Variants in SH3BP4 observed in about 807,000 individuals in gnomAD.
The protein encoded by SH3BP4 is SH3 domain binding protein 4, also known as SH3 domain-binding protein 4.
Under a neutral mutation model 65.5 loss-of-function variants are expected in SH3BP4, and 33 were observed. The observed-to-expected ratio is 0.50, with a 90% CI of 0.38 to 0.67. The LOEUF (loss-of-function observed/expected upper bound fraction) is 0.67. Among genes scored for constraint, SH3BP4 ranks in the 30% least tolerant of loss-of-function variants. The pLI is 0.00. For missense variants in SH3BP4, 1,134 were observed against 1,261.4 expected, an observed-to-expected ratio of 0.90 and a Z score of 1.53; for synonymous variants, 552 against 545.5, an observed-to-expected ratio of 1.01 and a Z score of -0.17.
At chr2:235,009,986 C>G (rs973001621) in intron 2 of SH3BP4, among the ~76,000 whole-genome samples, 7 of 152,232 alleles carry the variant, frequency 4.6e-5, no homozygotes, top group Admixed American at 3.9e-4. Context: ...TGCTCAGTCA[C>G]CTCCTTCTGG....
chr2:234,986,177 G>C (rs910241225), intron 1 of SH3BP4, among the ~76,000 whole-genome samples: 1 of 151,086 alleles, frequency 6.6e-6, no homozygotes, highest in Non-Finnish European at 1.5e-5. Context: ...CATGGTGCAG[G>C]CGTTATCTCT....
Position 235,003,924 on chromosome 2 carries a change from C to G in SH3BP4, c.-133+8548C>G, listed in dbSNP as rs184481530. 1.4e-4 allele frequency among the ~76,000 whole-genome samples: 22 copies of G among 152,274 alleles called. No individual in the cohort carries two copies. In the East Asian group the frequency reaches 4.1e-3, roughly 28 times the overall value. On this transcript the variant is annotated intron_variant, in intron 2 of 5. Transcript: ENST00000392011. ...GGTTTTGAGAGTCCTAAAACCCACC[C>G]AAGATGGCCCTAGGTACCTGCCCTC...
At chr2:235,023,310 G>T (rs566806921) in intron 2 of SH3BP4, among the ~76,000 whole-genome samples, 3 of 152,286 alleles carry the variant, frequency 2.0e-5, no homozygotes, top group South Asian at 4.1e-4. Context: ...ACTTTGAGAG[G>T]CTGAGGCGGG....
chr2:235,043,006 G>A lies in SH3BP4; in HGVS notation c.2237G>A (p.Arg746Gln), dbSNP rs373888787. ...TCGGTGCTGCTGGAGCAGATCCTGCGGCCCTGCAAATTCCTCACGTACATC... is the reference window on the plus strand; with the variant it reads ...TCGGTGCTGCTGGAGCAGATCCTGCAGCCCTGCAAATTCCTCACGTACATC... ...STSVLLEQIL[R>Q]PCKFLTYIYA... The change falls in exon 4 of 6, where the codon CGG becomes CAG. Residue 746 changes from arginine to glutamine, a missense_variant. Coordinates refer to ENST00000392011, the MANE Select transcript of SH3BP4 (RefSeq NM_014521.3). The A allele has an allele frequency of 5.3e-5, 85 of 1,609,390 alleles. No homozygotes were observed. Among genetic ancestry groups the A allele is most frequent in the Non-Finnish European group, 6.5e-5 (76 of 1,176,594 alleles).
At position 234,991,588 on chromosome 2, in the gene SH3BP4, G is replaced by A. The variant is rs554246976; in HGVS notation, c.-206-3715G>A. 6.6e-6 allele frequency among the ~76,000 whole-genome samples: 1 copy of A among 152,310 alleles called. No individual in the cohort carries two copies. Among genetic ancestry groups the A allele is most frequent in the South Asian group, 2.1e-4 (1 of 4,816 alleles). ...CCATCCACCCACGCTAAACCGTGTG[G>A]TTTTCTTGGGGCCCCTGAAGACTGA... On this transcript the variant is annotated intron_variant, in intron 1 of 5. Coordinates refer to ENST00000392011, the MANE Select transcript of SH3BP4 (RefSeq NM_014521.3). The surrounding 1 kb of genome is among the most constrained non-coding windows in gnomAD (Gnocchi z 4.2).
At chr2:234,988,762 G>A (rs1693662017) in intron 1 of SH3BP4, among the ~76,000 whole-genome samples, 1 of 152,166 alleles carries the variant, frequency 6.6e-6, no homozygotes, top group Admixed American at 6.5e-5. Flanking sequence ...GCGGGTGCTG[G>A]GTGGGTGGTT....
intron 1 of SH3BP4, among the ~76,000 whole-genome samples, chr2:234,968,795 T>A (rs1692904554): frequency 6.6e-6 from 1 of 152,256 alleles, no homozygotes; most frequent in South Asian, 2.1e-4. Context: ...TTTGCAATTT[T>A]ACCAGTAGAG....
At position 234,982,108 on chromosome 2, in the gene SH3BP4, A is replaced by G. The variant is rs912808287; in HGVS notation, c.-206-13195A>G. Among the ~76,000 whole-genome samples the G allele has an allele frequency of 2.0e-5, 3 of 152,266 alleles. No homozygotes were observed. In the Middle Eastern group the frequency reaches 0.01, roughly 518 times the overall value. ...CCGGGGTAATGTACACTAAAACATT[A>G]TTAGTTGTGCACCTGAAAATTCGAT... On this transcript the variant is annotated intron_variant, in intron 1 of 5. Coordinates refer to ENST00000392011, the MANE Select transcript of SH3BP4 (RefSeq NM_014521.3).
chr2:235,006,791 G>A (rs1694310217), intron 2 of SH3BP4, among the ~76,000 whole-genome samples: 1 of 152,132 alleles, frequency 6.6e-6, no homozygotes, highest in African/African-American at 2.4e-5. Context: ...TCTGGGTTTT[G>A]CCTGGGGATT....
chr2:235,013,975 A>G (rs551648683), intron 2 of SH3BP4, among the ~76,000 whole-genome samples: 3 of 152,188 alleles, frequency 2.0e-5, no homozygotes, highest in Non-Finnish European at 4.4e-5. Context: ...TCTACCATAT[A>G]TAAACAATGT....
At chr2:234,996,084 C>T (rs1693908499) in intron 2 of SH3BP4, 1 of 152,212 alleles carries the variant, frequency 6.6e-6, no homozygotes, top group South Asian at 2.1e-4. Flanking sequence ...TGGATAGGAT[C>T]ACCTACCTCA....
At chr2:235,011,801 C>T (rs1352521693) in intron 2 of SH3BP4, among the ~76,000 whole-genome samples, 1 of 152,240 alleles carries the variant, frequency 6.6e-6, no homozygotes, top group African/African-American at 2.4e-5. Flanking sequence ...CATAAGAAGT[C>T]TTGCTTTTGG....
intron 2 of SH3BP4, among the ~76,000 whole-genome samples, chr2:235,000,197 T>G (rs531029979): frequency 6.6e-6 from 1 of 152,288 alleles, no homozygotes; most frequent in Non-Finnish European, 1.5e-5. Flanking sequence ...GCAGGCTCCC[T>G]CCCTCCTTCC....
chr2:235,039,545 C>T (rs1366875093), intron 3 of SH3BP4, among the ~76,000 whole-genome samples: 2 of 150,190 alleles, frequency 1.3e-5, no homozygotes, highest in Non-Finnish European at 3.0e-5. Flanking sequence ...TTGTTTATTA[C>T]GGGAAGCCAG....
intron 1 of SH3BP4, among the ~76,000 whole-genome samples, chr2:234,958,856 G>A (rs566568231): frequency 6.6e-6 from 1 of 152,222 alleles, no homozygotes. Context: ...GCAGAAGAAT[G>A]TTGGTGATAA....
At chr2:235,023,727 G>A (rs982217787) in intron 2 of SH3BP4, among the ~76,000 whole-genome samples, 1 of 152,090 alleles carries the variant, frequency 6.6e-6, no homozygotes, top group Admixed American at 6.5e-5. Context: ...TCTATAAAAG[G>A]TATTTTTTTG....
At chr2:235,007,856 C>G (rs1694348038) in intron 2 of SH3BP4, among the ~76,000 whole-genome samples, 1 of 152,180 alleles carries the variant, frequency 6.6e-6, no homozygotes, top group Non-Finnish European at 1.5e-5. Context: ...AGGGTGGACT[C>G]AGGCACCCGA....
chr2:234,977,509 A>G lies in SH3BP4; in HGVS notation c.-206-17794A>G, dbSNP rs1693203192. ...AGCAGAGCTGCAGGGACAATGGTGC[A>G]TTATTAAACTGCTCTGAAACTCAGA... On this transcript the variant is annotated intron_variant, in intron 1 of 5. Transcript: ENST00000392011. The surrounding 1 kb of genome is among the most constrained non-coding windows in gnomAD (Gnocchi z 5.1). Among the ~76,000 whole-genome samples, 1 of 152,168 alleles carries G rather than the reference A, an allele frequency of 6.6e-6. No homozygotes were observed. The highest frequency in any genetic ancestry group is 1.5e-5 in the Non-Finnish European group (1 of 68,004).
At chr2:235,050,509 GC>G (rs1319641487) in intron 4 of SH3BP4, among the ~76,000 whole-genome samples, 7 of 152,072 alleles carry the variant, frequency 4.6e-5, no homozygotes, top group Non-Finnish European at 1.0e-4. Context: ...CCAGCTGTCA[GC>G]CTCTCATATC....
Sources: gnomAD v4.1 joint callset for allele counts (sites outside exome capture counted in the v4.1 genomes callset) on GRCh38, gnomAD v4.1.1 for gene constraint, Gnocchi (gnomAD v3.1) non-coding constraint, MANE v1.5 for transcripts, NCBI Gene and HGNC (gene_info 2026-07-23, HGNC 2026-07-21) for gene names.